The following MB21D2 variants were observed in gnomAD, a reference collection of about 807,000 sequenced individuals.
The protein encoded by MB21D2 is Mab-21 domain containing 2.
In MB21D2, 9 loss-of-function variants were observed where a neutral mutation model predicts 33.3. That is an observed-to-expected ratio of 0.27 (90% CI 0.16 to 0.47). The LOEUF is 0.47. Ranked by LOEUF, MB21D2 falls within the 20% of genes least tolerant of loss-of-function variation. The pLI is 0.99. For synonymous variants in MB21D2, 241 were observed against 236.3 expected, an observed-to-expected ratio of 1.02 and a Z score of -0.18; for missense variants, 540 against 624.6, an observed-to-expected ratio of 0.86 and a Z score of 1.44.
At chr3:192,885,392 G>A (rs540412429) in intron 1 of MB21D2, among the ~76,000 whole-genome samples, 1 of 152,142 alleles carries the variant, frequency 6.6e-6, no homozygotes, top group South Asian at 2.1e-4. Flanking sequence ...CTACAGTGAT[G>A]GGTTTCAGTC....
chr3:192,803,843 C>T (rs921605780), intron 1 of MB21D2, among the ~76,000 whole-genome samples: 1 of 152,098 alleles, frequency 6.6e-6, no homozygotes, highest in African/African-American at 2.4e-5. Flanking sequence ...GTTAGATTAT[C>T]CAAAGCTATG....
intron 1 of MB21D2, among the ~76,000 whole-genome samples, chr3:192,858,531 T>G (rs1040718700): frequency 1.3e-5 from 2 of 152,260 alleles, no homozygotes; most frequent in Non-Finnish European, 2.9e-5. Context: ...ATAATGTTAT[T>G]CCTTTGACAA....
chr3:192,880,716 C>A (rs1713541778), intron 1 of MB21D2, among the ~76,000 whole-genome samples: 1 of 152,094 alleles, frequency 6.6e-6, no homozygotes, highest in South Asian at 2.1e-4. Flanking sequence ...CCAGAGGGAG[C>A]CAGGGTGGCA....
At chr3:192,865,348 C>T (rs1447004130) in intron 1 of MB21D2, among the ~76,000 whole-genome samples, 1 of 152,138 alleles carries the variant, frequency 6.6e-6, no homozygotes, top group Non-Finnish European at 1.5e-5. Context: ...TCTCCTGCTC[C>T]CAGGATGCTG....
In MB21D2 at chr3:192,799,473, C is replaced by A; in HGVS notation, c.389G>T (p.Arg130Leu). 6.2e-7 allele frequency: 1 copy of A among 1,614,186 alleles called. No homozygotes were observed. The highest frequency in any genetic ancestry group is 8.5e-7 in the Non-Finnish European group (1 of 1,180,028). Residue 130 changes from arginine to leucine, a missense_variant, in exon 2 of 2, where the codon CGT becomes CTT. Coordinates refer to ENST00000392452, the MANE Select transcript of MB21D2 (RefSeq NM_178496.4). This position sits in a 1 kb window ranked among gnomAD's most constrained non-coding sequence, Gnocchi z 4.1. ...CATGTCGAGTGTCACAGGCTGATTA[C>A]GGTCATGCAGCTTGAGGGCTGGCAC... Reference protein sequence around the residue: ...LLVPALKLHDRNQPVTLDMRH... With the variant: ...LLVPALKLHDLNQPVTLDMRH...
intron 1 of MB21D2, among the ~76,000 whole-genome samples, chr3:192,864,251 T>C (rs1713113467): frequency 2.0e-5 from 3 of 152,066 alleles, no homozygotes; most frequent in Non-Finnish European, 1.5e-5. Flanking sequence ...TACAGATAAA[T>C]GTGGGGAATA....
intron 1 of MB21D2, among the ~76,000 whole-genome samples, chr3:192,862,690 G>C (rs893027923): frequency 6.6e-6 from 1 of 152,194 alleles, no homozygotes; most frequent in Non-Finnish European, 1.5e-5. Flanking sequence ...TGAATCCAAT[G>C]ACTCATACAC....
At chr3:192,912,050 C>T in intron 1 of MB21D2, among the ~76,000 whole-genome samples, 1 of 152,168 alleles carries the variant, frequency 6.6e-6, no homozygotes, top group African/African-American at 2.4e-5. Context: ...CAAAATTACC[C>T]ACTCTGGAGA....
At chr3:192,809,455 T>C (rs1326026441) in intron 1 of MB21D2, among the ~76,000 whole-genome samples, 1 of 152,158 alleles carries the variant, frequency 6.6e-6, no homozygotes, top group African/African-American at 2.4e-5. Flanking sequence ...AAATTGTTTA[T>C]GGCCATGATA....
intron 1 of MB21D2, among the ~76,000 whole-genome samples, chr3:192,824,313 A>G (rs991578609): frequency 1.3e-5 from 2 of 152,128 alleles, no homozygotes; most frequent in Admixed American, 1.3e-4. Context: ...ACATTCATGT[A>G]TTTTAAATTT....
intron 1 of MB21D2, among the ~76,000 whole-genome samples, chr3:192,907,574 T>C (rs1714240288): frequency 6.6e-6 from 1 of 152,154 alleles, no homozygotes; most frequent in Non-Finnish European, 1.5e-5. Flanking sequence ...TCCCAGAGTC[T>C]CAGTACTCCC....
intron 1 of MB21D2, among the ~76,000 whole-genome samples, chr3:192,842,511 C>G (rs1264701623): frequency 6.6e-6 from 1 of 152,176 alleles, no homozygotes; most frequent in Non-Finnish European, 1.5e-5. Context: ...ATGTAAGCTT[C>G]GTTTCCTCTT....
intron 1 of MB21D2, among the ~76,000 whole-genome samples, chr3:192,899,295 G>T (rs1041503770): frequency 6.6e-6 from 1 of 152,204 alleles, no homozygotes. Context: ...TTGGGAAGCT[G>T]AGGTGGGCGG....
rs1425453094 is a variant in MB21D2 at position 192,828,611 on chromosome 3, T to C, written c.212-28961A>G. Among the ~76,000 whole-genome samples the C allele has an allele frequency of 6.1e-3, 34 of 5,592 alleles. 5 individuals are homozygous for C. Among genetic ancestry groups the C allele is most frequent in the Admixed American group, 0.013 (7 of 548 alleles). The allele number at this position is 5,592 out of a possible 152,430, so 3.7% of individuals were successfully genotyped here. A position where few individuals can be genotyped will look rare whatever the true frequency, so the allele number is the denominator to read the frequency against. On this transcript the variant is annotated intron_variant, in intron 1 of 1. Transcript: ENST00000392452. ...CCCCCCATATATATATATATATATATATATATATATATATATATATATATA... is the reference window on the plus strand; with the variant it reads ...CCCCCCATATATATATATATATATACATATATATATATATATATATATATA...
intron 1 of MB21D2, among the ~76,000 whole-genome samples, chr3:192,909,251 G>C (rs1436350325): frequency 6.8e-6 from 1 of 146,424 alleles, no homozygotes; most frequent in African/African-American, 2.6e-5. Flanking sequence ...GCGAGACTCT[G>C]TCTCAAAAAA....
At chr3:192,864,019 C>T (rs1713109028) in intron 1 of MB21D2, among the ~76,000 whole-genome samples, 1 of 152,180 alleles carries the variant, frequency 6.6e-6, no homozygotes, top group Non-Finnish European at 1.5e-5. Context: ...CATAATGTGA[C>T]AGATGTCTTT....
At chr3:192,829,221 T>C (rs1712259725) in intron 1 of MB21D2, among the ~76,000 whole-genome samples, 1 of 152,204 alleles carries the variant, frequency 6.6e-6, no homozygotes, top group South Asian at 2.1e-4. Flanking sequence ...GTTCACCCAT[T>C]TTGTTGATTC....
intron 1 of MB21D2, among the ~76,000 whole-genome samples, chr3:192,834,421 C>CAAAA (rs35712980): frequency 1.6e-5 from 2 of 127,128 alleles, no homozygotes; most frequent in Non-Finnish European, 3.4e-5. Context: ...CCAGTTATAT[C>CAAAA]AAAAAAAAAA....
intron 1 of MB21D2, among the ~76,000 whole-genome samples, chr3:192,848,074 C>A (rs1712711612): frequency 6.6e-6 from 1 of 152,212 alleles, no homozygotes; most frequent in Non-Finnish European, 1.5e-5. Context: ...CATCTGGTCA[C>A]ATACCCGGCA....
Sources: allele counts gnomAD v4.1 joint callset (sites outside exome capture counted in the v4.1 genomes callset), GRCh38; gene constraint gnomAD v4.1.1; non-coding constraint Gnocchi (gnomAD v3.1); transcripts MANE v1.5; gene names NCBI Gene and HGNC (gene_info 2026-07-23, HGNC 2026-07-21).